TPP2: variants seen among roughly 807,000 people sequenced by gnomAD.
The protein encoded by TPP2 is tripeptidyl-peptidase 2.
Under a neutral mutation model 155.9 loss-of-function variants are expected in TPP2, and 34 were observed. That is an observed-to-expected ratio of 0.22 (90% CI 0.17 to 0.29). The LOEUF is 0.29. TPP2 is among the 10% of genes least tolerant of loss of function. The probability of loss-of-function intolerance (pLI) is 1.00; values close to 1 mark genes in which losing one functional copy is unlikely to be tolerated. For synonymous variants in TPP2, 510 were observed against 529.4 expected (o/e 0.96, Z 0.50); for missense variants, 1,028 against 1,522.3 (o/e 0.68, Z 5.40).
chr13:102,662,787 A>T (rs2139587710), intron 25 of TPP2, among the ~76,000 whole-genome samples: 1 of 152,242 alleles, frequency 6.6e-6, no homozygotes, highest in East Asian at 1.9e-4. Flanking sequence ...TTCTGGTGCT[A>T]GTTTGTATGT....
At chr13:102,642,182 T>C (rs1333150628) in intron 16 of TPP2, among the ~76,000 whole-genome samples, 2 of 152,200 alleles carry the variant, frequency 1.3e-5, no homozygotes, top group African/African-American at 2.4e-5. Context: ...ACATAGCTTG[T>C]CTTCGTTGGG....
rs1370541053 is a variant in TPP2 at position 102,616,275 on chromosome 13, CCT to C, written c.391-116_391-115del. 1.5e-4 allele frequency: 115 copies of C among 744,740 alleles called. No homozygotes were observed. The African/African-American group carries it at 1.8e-3, about 11-fold the overall frequency. The allele number at this position is 744,740 out of a possible 1,614,324, so 46.1% of individuals were successfully genotyped here. A position where few individuals can be genotyped will look rare whatever the true frequency, so the allele number is the denominator to read the frequency against. ...CCCGGCCAAAAATGATTTTTTAAAA[CCT>C]CTCTATGAGAATTGTGTAGTATCAC... On this transcript the variant is annotated intron_variant, in intron 3 of 29. Transcript: ENST00000376052.
intron 6 of TPP2, among the ~76,000 whole-genome samples, chr13:102,625,997 C>A (rs1412615275): frequency 1.3e-5 from 2 of 152,176 alleles, no homozygotes; most frequent in East Asian, 3.8e-4. Context: ...AAAACAGATA[C>A]AAATCACAAG....
intron 25 of TPP2, among the ~76,000 whole-genome samples, chr13:102,659,378 CAAAGT>C (rs1884059580): frequency 6.6e-6 from 1 of 152,032 alleles, no homozygotes; most frequent in Non-Finnish European, 1.5e-5. Flanking sequence ...TCAATGAACT[CAAAGT>C]AAATGCAAAG....
intron 25 of TPP2, among the ~76,000 whole-genome samples, chr13:102,661,954 T>A (rs1884257351): frequency 6.6e-6 from 1 of 152,166 alleles, no homozygotes; most frequent in Admixed American, 6.6e-5. Context: ...AAACCTATAT[T>A]CACACAAAAA....
intron 1 of TPP2, among the ~76,000 whole-genome samples, chr13:102,600,400 C>A (rs138572943): frequency 6.6e-6 from 1 of 152,122 alleles, no homozygotes; most frequent in Admixed American, 6.5e-5. Context: ...CCCCCTCCCC[C>A]CACCACCTCG....
intron 24 of TPP2, among the ~76,000 whole-genome samples, chr13:102,654,499 A>C (rs1429219961): frequency 6.6e-6 from 1 of 152,106 alleles, no homozygotes; most frequent in Non-Finnish European, 1.5e-5. Flanking sequence ...AATTAATTTT[A>C]ATAGATTGTT....
At chr13:102,670,878 G>T (rs1446795594) in intron 27 of TPP2, among the ~76,000 whole-genome samples, 4 of 152,196 alleles carry the variant, frequency 2.6e-5, no homozygotes, top group African/African-American at 9.7e-5. Context: ...TACTTTTTCA[G>T]GTGCTATGAT....
At chr13:102,602,767 G>GGGTCTTTAC (rs1275631164) in intron 1 of TPP2, among the ~76,000 whole-genome samples, 1 of 152,182 alleles carries the variant, frequency 6.6e-6, no homozygotes, top group Non-Finnish European at 1.5e-5. Context: ...CCAGAGCAGT[G>GGGTCTTTAC]GACATTAAGC....
At chr13:102,614,457 G>C (rs1204034392) in intron 3 of TPP2, among the ~76,000 whole-genome samples, 1 of 152,234 alleles carries the variant, frequency 6.6e-6, no homozygotes, top group Middle Eastern at 3.4e-3. Context: ...TCAGATTTTT[G>C]TGTTTTTCTG....
intron 27 of TPP2, among the ~76,000 whole-genome samples, chr13:102,673,954 T>C (rs754023754): frequency 3.9e-5 from 6 of 152,164 alleles, no homozygotes; most frequent in Non-Finnish European, 8.8e-5. Context: ...AACTGAAAAC[T>C]CAAAAGTCGT....
chr13:102,622,175 G>C (rs1222097193), intron 5 of TPP2, among the ~76,000 whole-genome samples: 1 of 152,118 alleles, frequency 6.6e-6, no homozygotes, highest in Admixed American at 6.5e-5. Context: ...TGACTGACTT[G>C]CATAGCTTGT....
intron 24 of TPP2, among the ~76,000 whole-genome samples, chr13:102,652,157 C>T (rs1433207828): frequency 6.6e-6 from 1 of 152,096 alleles, no homozygotes; most frequent in Non-Finnish European, 1.5e-5. Flanking sequence ...GGGCAGATCC[C>T]TTGAGCTCAG....
chr13:102,620,274 C>T (rs1408640794), intron 5 of TPP2, among the ~76,000 whole-genome samples: 2 of 152,068 alleles, frequency 1.3e-5, no homozygotes, highest in Admixed American at 6.5e-5. Flanking sequence ...TTGTTTAGAA[C>T]TTTTGAGTTA....
intron 28 of TPP2, among the ~76,000 whole-genome samples, chr13:102,675,711 A>C (rs1465102374): frequency 6.6e-6 from 1 of 152,150 alleles, no homozygotes; most frequent in African/African-American, 2.4e-5. Flanking sequence ...GCATTCTATT[A>C]CCTGTTTACT....
At chr13:102,635,206 C>T (rs948670948) in intron 11 of TPP2, among the ~76,000 whole-genome samples, 1 of 152,174 alleles carries the variant, frequency 6.6e-6, no homozygotes, top group African/African-American at 2.4e-5. Flanking sequence ...TTGAGTTCCC[C>T]TGGGGTTTAT....
intron 24 of TPP2, 24 bp from the exon 25 acceptor site, chr13:102,657,032 A>G: frequency 1.3e-6 from 2 of 1,571,752 alleles, no homozygotes; most frequent in Non-Finnish European, 8.6e-7. Flanking sequence ...ATATTAATCT[A>G]AGAATCTCTC....
Position 102,635,599 on chromosome 13 carries a change from A to G in TPP2, c.1406A>G (p.Asn469Ser), listed in dbSNP as rs1400277334. 1 of 1,612,264 alleles carries G rather than the reference A, an allele frequency of 6.2e-7. No homozygotes were observed. Among genetic ancestry groups the G allele is most frequent in the Non-Finnish European group, 8.5e-7 (1 of 1,179,650 alleles). ...TTCTTAATTTTAGGTCTGAAAGCTA[A>G]TAACATTGACTACACAGTTCATTCA... ...IALILSGLKA[N>S]NIDYTVHSVR... Residue 469 changes from asparagine to serine, a missense_variant, in exon 12 of 30, where the codon AAT becomes AGT. Physicochemically the swap from Asn to Ser is conservative, Grantham distance 46 (BLOSUM62 1). Coordinates refer to ENST00000376052, the MANE Select transcript of TPP2 (RefSeq NM_001330588.2).
chr13:102,653,755 A>C (rs943334005), intron 24 of TPP2, among the ~76,000 whole-genome samples: 3 of 152,228 alleles, frequency 2.0e-5, no homozygotes, highest in African/African-American at 7.2e-5. Context: ...AAATTTTAAA[A>C]ATAGTTTATG....
Sources: allele counts gnomAD v4.1 joint callset (sites outside exome capture counted in the v4.1 genomes callset), GRCh38; gene constraint gnomAD v4.1.1; transcripts MANE v1.5; gene names NCBI Gene and HGNC (gene_info 2026-07-23, HGNC 2026-07-21).